EIF4G3: variants seen among roughly 807,000 people sequenced by gnomAD.
EIF4G3 encodes eIF-4-gamma 3.
A neutral mutation model predicts 186.4 loss-of-function variants in EIF4G3; 34 were observed. The observed-to-expected ratio is 0.18, with a 90% CI of 0.14 to 0.24. EIF4G3 has a LOEUF of 0.24. EIF4G3 is among the 10% of genes least tolerant of loss of function. The probability of loss-of-function intolerance (pLI) is 1.00; values close to 1 mark genes in which losing one functional copy is unlikely to be tolerated. For synonymous variants in EIF4G3, 673 were observed against 679.5 expected (o/e 0.99, Z 0.15); for missense variants, 1,536 against 1,948.5 (o/e 0.79, Z 3.99).
intron 36 of EIF4G3, among the ~76,000 whole-genome samples, chr1:20,809,993 CAG>C (rs2058920057): frequency 1.3e-5 from 2 of 149,542 alleles, no homozygotes; most frequent in Admixed American, 1.3e-4. Context: ...TTTTTTTGGA[CAG>C]AGTCTTGCTC....
intron 2 of EIF4G3, chr1:21,175,506 TCTTC>T: frequency 6.6e-6 from 1 of 152,312 alleles, no homozygotes; most frequent in East Asian, 1.9e-4. Context: ...GTGAACTTCC[TCTTC>T]CTTTAAAAAG....
At position 20,839,228 on chromosome 1, in the gene EIF4G3, C is replaced by T. The variant is rs556204914; in HGVS notation, c.4061+1628G>A. Among the ~76,000 whole-genome samples the T allele has an allele frequency of 7.3e-4, 111 of 152,184 alleles. 2 individuals carry two copies. In the South Asian group the frequency reaches 0.014, roughly 20 times the overall value. On this transcript the variant is annotated intron_variant, in intron 30 of 36. Coordinates refer to ENST00000602326, the MANE Select transcript of EIF4G3 (RefSeq NM_001391906.1). ...TCCTGACCTTGTGATCCACCCGCCT[C>T]GGCCTCCCAAAGTGCTGGGATTACA...
At chr1:21,108,919 A>C (rs980359941) in intron 2 of EIF4G3, among the ~76,000 whole-genome samples, 10 of 141,624 alleles carry the variant, frequency 7.1e-5, no homozygotes, top group South Asian at 4.5e-4. Context: ...AAAAAAAAAA[A>C]AAAAAACTAC....
At chr1:21,012,458 T>A (rs1025324537) in intron 4 of EIF4G3, among the ~76,000 whole-genome samples, 1 of 152,154 alleles carries the variant, frequency 6.6e-6, no homozygotes, top group Non-Finnish European at 1.5e-5. Flanking sequence ...TTCAAAAACA[T>A]GTGTATCTGC....
Position 21,055,509 on chromosome 1 carries a change from A to G in EIF4G3, c.-195-4515T>C, listed in dbSNP as rs536225848. On this transcript the variant is annotated intron_variant, in intron 3 of 36. Transcript: ENST00000602326. ...TAAGTTAAAATAAAATCTTTGCCCC[A>G]TTATTGGCAGGGATCTAAGGAAACA... Among the ~76,000 whole-genome samples the G allele has an allele frequency of 9.2e-5, 14 of 152,272 alleles. No homozygotes were observed. In the South Asian group the frequency reaches 2.9e-3, roughly 32 times the overall value.
chr1:20,826,827 C>T (rs1169932161), intron 32 of EIF4G3, among the ~76,000 whole-genome samples: 2 of 151,950 alleles, frequency 1.3e-5, no homozygotes, highest in East Asian at 1.9e-4. Context: ...TCAAGTAGGT[C>T]GGAGAGGAGG....
At chr1:20,963,511 C>A (rs2073916456) in intron 12 of EIF4G3, among the ~76,000 whole-genome samples, 1 of 152,048 alleles carries the variant, frequency 6.6e-6, no homozygotes, top group Admixed American at 6.6e-5. Context: ...CTAAGATACG[C>A]TATCAATCCA....
At chr1:21,056,022 A>T (rs2094547339) in intron 3 of EIF4G3, among the ~76,000 whole-genome samples, 1 of 152,166 alleles carries the variant, frequency 6.6e-6, no homozygotes, top group Admixed American at 6.5e-5. Context: ...CAAATGTTTG[A>T]GAGAAAGAGA....
chr1:21,159,872 C>G (rs2097730493), intron 2 of EIF4G3, among the ~76,000 whole-genome samples: 1 of 151,052 alleles, frequency 6.6e-6, no homozygotes, highest in Non-Finnish European at 1.5e-5. Context: ...TTTGGGAGGC[C>G]AAGCGGGTGG....
chr1:20,864,790 A>G, intron 21 of EIF4G3, 78 bp from the exon 22 acceptor site: 1 of 1,200,796 alleles, frequency 8.3e-7, no homozygotes, highest in African/African-American at 1.5e-5. Context: ...TCATGGGGTC[A>G]GAATCCCCGT....
chr1:21,170,818 T>C (rs1273930235), intron 2 of EIF4G3, among the ~76,000 whole-genome samples: 1 of 151,458 alleles, frequency 6.6e-6, no homozygotes, highest in East Asian at 1.9e-4. Flanking sequence ...GCAAAATCCA[T>C]CTCTACTAAA....
At chr1:20,966,198 A>G in intron 12 of EIF4G3, among the ~76,000 whole-genome samples, 1 of 152,242 alleles carries the variant, frequency 6.6e-6, no homozygotes, top group Middle Eastern at 3.2e-3. Flanking sequence ...AACTCAAAGC[A>G]GGTACTTTAA....
chr1:20,946,435 T>C (rs2095951685), intron 13 of EIF4G3, among the ~76,000 whole-genome samples: 1 of 152,230 alleles, frequency 6.6e-6, no homozygotes, highest in Non-Finnish European at 1.5e-5. Flanking sequence ...TTGTTCTCTC[T>C]ACAAACCAAT....
At chr1:21,104,789 A>T (rs981124248) in intron 2 of EIF4G3, among the ~76,000 whole-genome samples, 2 of 152,226 alleles carry the variant, frequency 1.3e-5, no homozygotes, top group African/African-American at 4.8e-5. Context: ...CACTATTCAC[A>T]ATAGCAAAGA....
At chr1:20,974,468 AT>A (rs1156278120) in intron 10 of EIF4G3, among the ~76,000 whole-genome samples, 4 of 152,130 alleles carry the variant, frequency 2.6e-5, no homozygotes, top group African/African-American at 9.7e-5. Flanking sequence ...GTCAAATAAG[AT>A]TTTTCAAAGT....
intron 3 of EIF4G3, among the ~76,000 whole-genome samples, chr1:21,069,408 G>C (rs553108441): frequency 6.6e-6 from 1 of 152,194 alleles, no homozygotes; most frequent in East Asian, 1.9e-4. Context: ...TTAAAACAAC[G>C]TATCACCATC....
At chr1:21,091,607 A>G (rs1210045581) in intron 2 of EIF4G3, among the ~76,000 whole-genome samples, 2 of 152,132 alleles carry the variant, frequency 1.3e-5, no homozygotes, top group Non-Finnish European at 2.9e-5. Context: ...CACGATATTG[A>G]TTCTTCCTAT....
chr1:21,024,557 T>C (rs1462364226), intron 4 of EIF4G3, among the ~76,000 whole-genome samples: 1 of 150,208 alleles, frequency 6.7e-6, no homozygotes, highest in African/African-American at 2.4e-5. Context: ...GAAAAATTCT[T>C]CTCCCTTGGG....
At chr1:20,942,781 G>C (rs1247642613) in intron 13 of EIF4G3, among the ~76,000 whole-genome samples, 1 of 151,936 alleles carries the variant, frequency 6.6e-6, no homozygotes, top group Non-Finnish European at 1.5e-5. Flanking sequence ...TAAAGGGACT[G>C]ATGTTATTTT....
Sources: allele counts gnomAD v4.1 joint callset (sites outside exome capture counted in the v4.1 genomes callset), GRCh38; gene constraint gnomAD v4.1.1; transcripts MANE v1.5; gene names NCBI Gene and HGNC (gene_info 2026-07-23, HGNC 2026-07-21).